LRRC63: variants seen among roughly 807,000 people sequenced by gnomAD.
The protein encoded by LRRC63 is leucine rich repeat containing 63, also known as leucine-rich repeat-containing protein 63.
Under a neutral mutation model 49.5 loss-of-function variants are expected in LRRC63, and 40 were observed. That is an observed-to-expected ratio of 0.81 (90% CI 0.63 to 1.05). LRRC63 has a LOEUF of 1.05. Among genes scored for constraint, LRRC63 ranks in the 50% least tolerant of loss-of-function variants. The probability of loss-of-function intolerance (pLI) is 0.00; values close to 1 mark genes in which losing one functional copy is unlikely to be tolerated. For synonymous variants in LRRC63, 191 were observed against 221.1 expected, an observed-to-expected ratio of 0.86 and a Z score of 1.21; for missense variants, 636 against 663.1, an observed-to-expected ratio of 0.96 and a Z score of 0.45.
chr13:46,274,937 ACTC>A (rs1277490981), intron 9 of LRRC63, among the ~76,000 whole-genome samples: 1 of 151,916 alleles, frequency 6.6e-6, no homozygotes, highest in South Asian at 2.1e-4. Flanking sequence ...GAACACTAAA[ACTC>A]CTATCTACCT....
At chr13:46,247,735 A>G (rs565208998) in intron 6 of LRRC63, among the ~76,000 whole-genome samples, 2 of 152,156 alleles carry the variant, frequency 1.3e-5, no homozygotes, top group Non-Finnish European at 2.9e-5. Context: ...GATTCAAATT[A>G]TTACCGATTT....
At chr13:46,268,251 A>G (rs1425103750) in intron 9 of LRRC63, among the ~76,000 whole-genome samples, 2 of 152,200 alleles carry the variant, frequency 1.3e-5, no homozygotes, top group Non-Finnish European at 2.9e-5. Context: ...AGCAGATTAT[A>G]CACACCTGAA....
intron 2 of LRRC63, among the ~76,000 whole-genome samples, chr13:46,221,564 G>T (rs763203532): frequency 1.3e-5 from 2 of 152,140 alleles, no homozygotes; most frequent in Non-Finnish European, 2.9e-5. Context: ...TGATAATCAG[G>T]GGAAAAACTT....
At chr13:46,263,500 C>T (rs2047643100) in intron 8 of LRRC63, among the ~76,000 whole-genome samples, 1 of 152,044 alleles carries the variant, frequency 6.6e-6, no homozygotes, top group Non-Finnish European at 1.5e-5. Flanking sequence ...CTTTCCTTTT[C>T]CCAAACTCAT....
chr13:46,241,854 T>C (rs1026152948), intron 5 of LRRC63, among the ~76,000 whole-genome samples: 10 of 152,056 alleles, frequency 6.6e-5, no homozygotes, highest in African/African-American at 2.4e-4. Context: ...AAAAGGAACA[T>C]TTATACACTC....
chr13:46,270,066 C>T, intron 9 of LRRC63: 1 of 578,488 alleles, frequency 1.7e-6, no homozygotes, highest in South Asian at 2.0e-5. Flanking sequence ...GTGGTGGCGC[C>T]TGAGGTCACC....
intron 2 of LRRC63, among the ~76,000 whole-genome samples, chr13:46,217,578 T>A (rs913352845): frequency 6.6e-6 from 1 of 152,242 alleles, no homozygotes; most frequent in African/African-American, 2.4e-5. Flanking sequence ...CATTGATTTT[T>A]TGAAGGGTTT....
At chr13:46,255,645 A>AAAAAAAAAAAAT (rs1555328641) in intron 7 of LRRC63, among the ~76,000 whole-genome samples, 2 of 129,468 alleles carry the variant, frequency 1.5e-5, no homozygotes, top group African/African-American at 5.8e-5. Flanking sequence ...CCCTGCCTCA[A>AAAAAAAAAAAAT]ATATATATAT....
At chr13:46,233,203 T>G (rs2046813883) in intron 4 of LRRC63, among the ~76,000 whole-genome samples, 1 of 152,196 alleles carries the variant, frequency 6.6e-6, no homozygotes, top group South Asian at 2.1e-4. Flanking sequence ...CATCTCCATC[T>G]TCCTCATTTC....
intron 8 of LRRC63, 66 bp from the exon 9 acceptor site, chr13:46,266,667 C>T (rs2047688008): frequency 7.5e-7 from 1 of 1,337,508 alleles, no homozygotes. Flanking sequence ...ACAATTGAGG[C>T]AGAATTTTAC....
In LRRC63 at chr13:46,266,771, G is replaced by GT; in HGVS notation, c.1355dup (p.His454ProfsTer7). 1.3e-6 allele frequency: 2 copies of GT among 1,549,846 alleles called. No individual in the cohort carries two copies. Among genetic ancestry groups the GT allele is most frequent in the Non-Finnish European group, 1.7e-6 (2 of 1,146,622 alleles). On this transcript the variant is annotated frameshift_variant, in exon 9 of 10. Coordinates refer to ENST00000595396, the Ensembl canonical transcript of LRRC63. LOFTEE classifies it high-confidence loss of function. ...CTGACTGTTGATGGGAATGAACTGAGTTTTTTCCCCCATGGAATTTTGAAG... is the reference window on the plus strand; with the variant it reads ...CTGACTGTTGATGGGAATGAACTGAGTTTTTTTCCCCCATGGAATTTTGAAG...
chr13:46,242,338 G>A (rs1371335466), intron 5 of LRRC63, among the ~76,000 whole-genome samples: 1 of 152,152 alleles, frequency 6.6e-6, no homozygotes, highest in Non-Finnish European at 1.5e-5. Context: ...GGAAGAGGGA[G>A]AGGATTAGGA....
intron 2 of LRRC63, among the ~76,000 whole-genome samples, chr13:46,214,763 A>G (rs1022597850): frequency 6.6e-6 from 1 of 151,454 alleles, no homozygotes; most frequent in Non-Finnish European, 1.5e-5. Flanking sequence ...TTCTCCCCTC[A>G]CCCTCCACCC....
At chr13:46,222,142 A>G (rs2046424187) in intron 2 of LRRC63, among the ~76,000 whole-genome samples, 1 of 151,778 alleles carries the variant, frequency 6.6e-6, no homozygotes, top group African/African-American at 2.4e-5. Context: ...AGTGTTGGCC[A>G]TTTGTATGTC....
intron 8 of LRRC63, among the ~76,000 whole-genome samples, chr13:46,265,680 G>C (rs1190248964): frequency 6.6e-6 from 1 of 152,174 alleles, no homozygotes; most frequent in Admixed American, 6.5e-5. Context: ...TTGAATTTTG[G>C]GGGGACAGAA....
chr13:46,230,913 A>T (rs1247292183), intron 4 of LRRC63, among the ~76,000 whole-genome samples: 1 of 152,230 alleles, frequency 6.6e-6, no homozygotes, highest in Non-Finnish European at 1.5e-5. Flanking sequence ...CTTCTATCAG[A>T]TACCCCAAGT....
chr13:46,249,973 A>AACACT (rs1229795283), intron 6 of LRRC63: 2 of 154,042 alleles, frequency 1.3e-5, no homozygotes, highest in East Asian at 3.8e-4. Flanking sequence ...TTTGATCTCT[A>AACACT]ACACTTTTCT....
intron 9 of LRRC63, among the ~76,000 whole-genome samples, chr13:46,275,476 G>A (rs2047822243): frequency 6.6e-6 from 1 of 151,892 alleles, no homozygotes; most frequent in South Asian, 2.1e-4. Context: ...GTCTTTACCA[G>A]CATTTTTTAC....
At chr13:46,222,486 C>A (rs1213052700) in intron 2 of LRRC63, among the ~76,000 whole-genome samples, 1 of 152,094 alleles carries the variant, frequency 6.6e-6, no homozygotes, top group African/African-American at 2.4e-5. Flanking sequence ...ATATGGCTGT[C>A]CAATTTTCCT....
Sources: allele counts gnomAD v4.1 joint callset (sites outside exome capture counted in the v4.1 genomes callset), GRCh38; gene constraint gnomAD v4.1.1; transcripts MANE v1.5; gene names NCBI Gene and HGNC (gene_info 2026-07-23, HGNC 2026-07-21).